Variants in MTUS2 observed in about 807,000 individuals in gnomAD.
MTUS2 encodes microtubule associated scaffold protein 2, also known as microtubule-associated tumor suppressor candidate 2.
A neutral mutation model predicts 114.1 loss-of-function variants in MTUS2; 40 were observed. The ratio of observed to expected loss-of-function variants is 0.35; its 90% CI spans 0.27 to 0.46. MTUS2 has a LOEUF of 0.46. Ranked by LOEUF, MTUS2 falls within the 20% of genes least tolerant of loss-of-function variation. The probability of loss-of-function intolerance (pLI) is 1.00; values close to 1 mark genes in which losing one functional copy is unlikely to be tolerated. For missense variants in MTUS2, 1,679 were observed against 1,705.4 expected, an observed-to-expected ratio of 0.98 and a Z score of 0.27; for synonymous variants, 688 against 672.0, an observed-to-expected ratio of 1.02 and a Z score of -0.37.
intron 5 of MTUS2, among the ~76,000 whole-genome samples, chr13:29,228,205 T>G (rs918453190): frequency 3.3e-5 from 5 of 152,178 alleles, no homozygotes; most frequent in Non-Finnish European, 5.9e-5. Flanking sequence ...CGTGATAAAT[T>G]GTGGAGCCTC....
At chr13:28,829,068 A>G (rs1227546800) in intron 1 of MTUS2, among the ~76,000 whole-genome samples, 1 of 152,230 alleles carries the variant, frequency 6.6e-6, no homozygotes, top group Non-Finnish European at 1.5e-5. Context: ...AAATATCAAA[A>G]TAAACCATTT....
At chr13:29,383,252 G>GTATATATATATATATT (rs1555271591) in intron 8 of MTUS2, among the ~76,000 whole-genome samples, 1 of 135,916 alleles carries the variant, frequency 7.4e-6, no homozygotes, top group Non-Finnish European at 1.5e-5. Flanking sequence ...GTGTGTGTGT[G>GTATATATATATATATT]TATTTATTTT....
intron 4 of MTUS2, among the ~76,000 whole-genome samples, chr13:29,091,262 A>T (rs1889934303): frequency 6.6e-6 from 1 of 151,978 alleles, no homozygotes; most frequent in Admixed American, 6.6e-5. Flanking sequence ...TAAATTACCC[A>T]CACTCAGGTA....
At chr13:29,356,037 A>G (rs1023313989) in intron 7 of MTUS2, among the ~76,000 whole-genome samples, 1 of 152,176 alleles carries the variant, frequency 6.6e-6, no homozygotes, top group Non-Finnish European at 1.5e-5. Flanking sequence ...GGCTGCCTGC[A>G]TGGTGAGGTC....
chr13:29,084,527 CT>C (rs60686106), intron 4 of MTUS2, among the ~76,000 whole-genome samples: 86,171 of 128,280 alleles, frequency 0.67, 28,095 homozygotes, highest in Non-Finnish European at 0.71. Context: ...CCCCTCCCCT[CT>C]CCCCCCCTTC....
chr13:29,389,287 A>G (rs1294527818), intron 8 of MTUS2, among the ~76,000 whole-genome samples: 4 of 148,232 alleles, frequency 2.7e-5, no homozygotes, highest in Non-Finnish European at 5.9e-5. Flanking sequence ...ATATGTATAC[A>G]CATATGTGTG....
chr13:28,911,846 T>G (rs1346565242), intron 2 of MTUS2, among the ~76,000 whole-genome samples: 1 of 89,064 alleles, frequency 1.1e-5, no homozygotes, highest in Non-Finnish European at 2.1e-5. Context: ...CTTTTTAATG[T>G]TTTTTTTTTT....
chr13:29,019,944 G>A (rs1050282511), intron 2 of MTUS2, among the ~76,000 whole-genome samples: 2 of 152,210 alleles, frequency 1.3e-5, no homozygotes, highest in African/African-American at 4.8e-5. Context: ...TAGGTTTTGG[G>A]AGGAAGGGAG....
chr13:28,839,097 T>C (rs1202725435), intron 1 of MTUS2, among the ~76,000 whole-genome samples: 1 of 152,122 alleles, frequency 6.6e-6, no homozygotes, highest in African/African-American at 2.4e-5. Flanking sequence ...AACCTAATAA[T>C]AGCAGGCATT....
At position 28,863,483 on chromosome 13, in the gene MTUS2, G is replaced by A. The variant is rs186090450; in HGVS notation, c.-243+23633G>A. 2.0e-4 allele frequency among the ~76,000 whole-genome samples: 31 copies of A among 152,260 alleles called. 1 individual carries two copies. Among genetic ancestry groups the A allele is most frequent in the Admixed American group, 6.5e-4 (10 of 15,300 alleles). ...AGGCTGAGGAATTCTGGCCTTAGAC[G>A]TAAGAGGGTATTAGTAAACACCGTT... On this transcript the variant is annotated intron_variant, in intron 2 of 15. Transcript: ENST00000612955.
intron 5 of MTUS2, among the ~76,000 whole-genome samples, chr13:29,238,982 A>G (rs1896636192): frequency 6.6e-6 from 1 of 152,144 alleles, no homozygotes; most frequent in East Asian, 1.9e-4. Context: ...TCTTGGTCCA[A>G]GGATACGAAG....
At chr13:29,229,261 G>A (rs774218742) in intron 5 of MTUS2, among the ~76,000 whole-genome samples, 4 of 152,234 alleles carry the variant, frequency 2.6e-5, no homozygotes, top group South Asian at 2.1e-4. Context: ...TTGACCTCTA[G>A]CTTTCGTGTA....
rs376375580 is a variant in MTUS2 at position 29,001,394 on chromosome 13, T to G, written c.-242-23063T>G. Among the ~76,000 whole-genome samples the G allele has an allele frequency of 4.6e-5, 7 of 152,248 alleles. 1 individual carries two copies. The East Asian group carries it at 1.4e-3, about 29-fold the overall frequency. On this transcript the variant is annotated intron_variant, in intron 2 of 15. Transcript: ENST00000612955. ...AAGTAGTCAGATGCTGGATCTATTTTTAAAAAGATACCTGACAGAACTAGA... is the reference window on the plus strand; with the variant it reads ...AAGTAGTCAGATGCTGGATCTATTTGTAAAAAGATACCTGACAGAACTAGA...
intron 5 of MTUS2, among the ~76,000 whole-genome samples, chr13:29,107,759 A>C (rs1890728282): frequency 6.6e-6 from 1 of 152,182 alleles, no homozygotes; most frequent in Non-Finnish European, 1.5e-5. Flanking sequence ...AGAATTTCAA[A>C]GTTTCCAAAC....
chr13:29,280,818 A>G (rs548564607), intron 5 of MTUS2, among the ~76,000 whole-genome samples: 1 of 152,352 alleles, frequency 6.6e-6, no homozygotes, highest in South Asian at 2.1e-4. Context: ...TATTAGAAAG[A>G]CTTACCCTTT....
chr13:28,880,983 T>G (rs1878253079), intron 2 of MTUS2, among the ~76,000 whole-genome samples: 1 of 152,208 alleles, frequency 6.6e-6, no homozygotes, highest in Non-Finnish European at 1.5e-5. Flanking sequence ...TACTTTTGTT[T>G]TCATTTCTTT....
chr13:29,190,671 C>T (rs1337156118), intron 5 of MTUS2, among the ~76,000 whole-genome samples: 1 of 82,354 alleles, frequency 1.2e-5, no homozygotes, highest in Non-Finnish European at 2.3e-5. Context: ...AGAGAGAAGA[C>T]GTACTCAGCA....
intron 2 of MTUS2, among the ~76,000 whole-genome samples, chr13:28,957,279 G>A (rs1433477628): frequency 6.6e-6 from 1 of 152,194 alleles, no homozygotes; most frequent in African/African-American, 2.4e-5. Context: ...TAATACCAGT[G>A]ATGACATTTG....
At chr13:28,968,987 A>G (rs991966821) in intron 2 of MTUS2, among the ~76,000 whole-genome samples, 11 of 152,360 alleles carry the variant, frequency 7.2e-5, no homozygotes, top group African/African-American at 2.6e-4. Context: ...ACAACTGATG[A>G]TATCAAAATT....
Sources: gnomAD v4.1 joint callset for allele counts (sites outside exome capture counted in the v4.1 genomes callset) on GRCh38, gnomAD v4.1.1 for gene constraint, MANE v1.5 for transcripts, NCBI Gene and HGNC (gene_info 2026-07-23, HGNC 2026-07-21) for gene names.